Variants in SENP8 observed in about 807,000 individuals in gnomAD.
SENP8 encodes sentrin-specific protease 8.
In SENP8, 10 loss-of-function variants were observed where a neutral mutation model predicts 14.4. The observed-to-expected ratio is 0.69, with a 90% CI of 0.43 to 1.18. The LOEUF is 1.18. SENP8 is among the 50% of genes most tolerant of loss of function. The pLI is 0.00. For synonymous variants in SENP8, 94 were observed against 95.5 expected (o/e 0.98, Z 0.09); for missense variants, 202 against 249.4 (o/e 0.81, Z 1.28).
At chr15:72,132,725 G>C (rs376663181) in intron 1 of SENP8, among the ~76,000 whole-genome samples, 1 of 149,050 alleles carries the variant, frequency 6.7e-6, no homozygotes, top group East Asian at 2.0e-4. Context: ...GCGAGGTCTC[G>C]GCTCATTGCA....
At chr15:72,123,509 G>A (rs2081185859) in intron 1 of SENP8, among the ~76,000 whole-genome samples, 1 of 151,552 alleles carries the variant, frequency 6.6e-6, no homozygotes. Flanking sequence ...TTTATATTGA[G>A]GACAAAAACT....
intron 1 of SENP8, among the ~76,000 whole-genome samples, chr15:72,135,792 C>G (rs1214195395): frequency 6.6e-6 from 1 of 152,220 alleles, no homozygotes; most frequent in African/African-American, 2.4e-5. Context: ...AGCTTGTGGA[C>G]ATTCCCTTCA....
intron 1 of SENP8, among the ~76,000 whole-genome samples, chr15:72,120,738 T>G (rs1281886949): frequency 6.6e-6 from 1 of 152,260 alleles, no homozygotes; most frequent in African/African-American, 2.4e-5. Flanking sequence ...GCAGGTCTAA[T>G]TATATAATTT....
At chr15:72,117,646 C>A (rs770046431), upstream of SENP8, 7 of 395,520 alleles carry the variant, frequency 1.8e-5, no homozygotes, top group Non-Finnish European at 2.2e-5. Context: ...CCAGGACGGG[C>A]TGCAGGGCCG....
intron 1 of SENP8, among the ~76,000 whole-genome samples, chr15:72,129,522 C>T (rs1174162656): frequency 6.6e-6 from 1 of 151,112 alleles, no homozygotes; most frequent in Non-Finnish European, 1.5e-5. Context: ...ACCACCACAC[C>T]CGGCTAATTT....
chr15:72,131,246 T>C (rs2140511410), intron 1 of SENP8, among the ~76,000 whole-genome samples: 1 of 152,306 alleles, frequency 6.6e-6, no homozygotes, highest in East Asian at 1.9e-4. Context: ...TCTAATATGC[T>C]TCCCTGGCTA....
chr15:72,129,964 T>A (rs564307409), intron 1 of SENP8, among the ~76,000 whole-genome samples: 3 of 152,118 alleles, frequency 2.0e-5, no homozygotes, highest in African/African-American at 7.2e-5. Context: ...AGGTGGTGGA[T>A]CACCTGAGGT....
chr15:72,130,858 C>T (rs895171358), intron 1 of SENP8, among the ~76,000 whole-genome samples: 5 of 152,050 alleles, frequency 3.3e-5, no homozygotes, highest in South Asian at 2.1e-4. Flanking sequence ...CCACTGCGCC[C>T]GGCAGGATTT....
upstream of SENP8, chr15:72,116,821 G>C (rs1214274080): frequency 1.3e-5 from 2 of 152,226 alleles, no homozygotes; most frequent in Non-Finnish European, 2.9e-5. Context: ...ACACAGAACA[G>C]ACAAGACGAG....
At chr15:72,122,526 G>A (rs912308646) in intron 1 of SENP8, among the ~76,000 whole-genome samples, 3 of 152,164 alleles carry the variant, frequency 2.0e-5, no homozygotes, top group African/African-American at 7.2e-5. Context: ...TTGAATTTGG[G>A]GTTTAGGTAT....
At chr15:72,122,492 A>T (rs1044189636) in intron 1 of SENP8, among the ~76,000 whole-genome samples, 1 of 152,268 alleles carries the variant, frequency 6.6e-6, no homozygotes, top group African/African-American at 2.4e-5. Flanking sequence ...CAAAGTATGT[A>T]CTTTTTAAAT....
chr15:72,126,892 C>T (rs1383515167), intron 1 of SENP8, among the ~76,000 whole-genome samples: 1 of 152,130 alleles, frequency 6.6e-6, no homozygotes, highest in Non-Finnish European at 1.5e-5. Context: ...CAATACCACA[C>T]CCCTAGTTTT....
intron 1 of SENP8, among the ~76,000 whole-genome samples, chr15:72,128,165 AAG>A (rs1434780870): frequency 6.6e-6 from 1 of 151,992 alleles, no homozygotes; most frequent in Non-Finnish European, 1.5e-5. Context: ...GAGAGAGAGA[AAG>A]AAAAAAACTA....
intron 1 of SENP8, 139 bp from the exon 2 acceptor site, chr15:72,139,438 A>G: frequency 1.4e-6 from 1 of 726,890 alleles, no homozygotes; most frequent in Non-Finnish European, 2.2e-6. Context: ...ATCCATGTGT[A>G]AGTAGATCTG....
chr15:72,141,532 C>T lies in SENP8; in HGVS notation c.*1270C>T, dbSNP rs1245429971. On this transcript the variant is annotated 3_prime_UTR_variant, in exon 2 of 2. Transcript: ENST00000340912. ...GCTTCAGCCATGAAACTTATTTCAG[C>T]TACCTCCCCAGCCTAACCCTGCCCC... 2 of 152,120 alleles carry T rather than the reference C, an allele frequency of 1.3e-5. No homozygotes were observed. The highest frequency in any genetic ancestry group is 2.9e-5 in the Non-Finnish European group (2 of 68,036). 9.4% of individuals were successfully genotyped at this position (152,120 alleles called of 1,614,324 possible).
At chr15:72,116,683 T>C (rs953982010), upstream of SENP8, among the ~76,000 whole-genome samples, 1 of 152,198 alleles carries the variant, frequency 6.6e-6, no homozygotes, top group Non-Finnish European at 1.5e-5. Context: ...ACAGTTCTAG[T>C]ATCTGCAGCA....
rs2081365994 is a variant in SENP8 at position 72,140,069 on chromosome 15, TTGTGGAAGAGAAAGCCCC to T, written c.449_466del (p.Val150_Pro155del). The T allele has an allele frequency of 6.2e-7, 1 of 1,614,036 alleles. No homozygotes were observed. The highest frequency in any genetic ancestry group is 1.1e-5 in the South Asian group (1 of 91,086). On this transcript the variant is annotated inframe_deletion, in exon 2 of 2. Transcript: ENST00000340912. ...GGCAGAAAAGGAGACAAACTGGCCTTTGTGGAAGAGAAAGCCCCTGCCCAACAAAACAGCTATGACTGT... is the reference window on the plus strand; with the variant it reads ...GGCAGAAAAGGAGACAAACTGGCCTTTGCCCAACAAAACAGCTATGACTGT...
chr15:72,129,309 C>T (rs1302966958), intron 1 of SENP8, among the ~76,000 whole-genome samples: 2 of 152,042 alleles, frequency 1.3e-5, no homozygotes, highest in African/African-American at 4.8e-5. Context: ...ACAGGAGGAT[C>T]ACTGGAGCCA....
upstream of SENP8, chr15:72,116,733 T>C (rs879823105): frequency 6.6e-6 from 1 of 152,216 alleles, no homozygotes; most frequent in Admixed American, 6.5e-5. Flanking sequence ...GACGACATAG[T>C]TATATCCACT....
Sources: gnomAD v4.1 joint callset for allele counts (sites outside exome capture counted in the v4.1 genomes callset) on GRCh38, gnomAD v4.1.1 for gene constraint, MANE v1.5 for transcripts, NCBI Gene and HGNC (gene_info 2026-07-23, HGNC 2026-07-21) for gene names.